PLB1: variants seen among roughly 807,000 people sequenced by gnomAD.
PLB1 encodes phospholipase B1, membrane-associated.
Under a neutral mutation model 227.4 loss-of-function variants are expected in PLB1, and 242 were observed. That is an observed-to-expected ratio of 1.06 (90% confidence interval 0.96 to 1.18). The LOEUF (loss-of-function observed/expected upper bound fraction) is 1.18, where lower values mean the gene tolerates loss of function less well. Ranked by LOEUF, PLB1 falls within the 50% of genes most tolerant of loss-of-function variation. The pLI, the probability that PLB1 is intolerant of heterozygous loss-of-function variation, is 0.00. For synonymous variants in PLB1, 757 were observed against 682.2 expected, an observed-to-expected ratio of 1.11 and a Z score of -1.71; for missense variants, 1,858 against 1,816.3, an observed-to-expected ratio of 1.02 and a Z score of -0.42.
chr2:28,625,319 C>G (rs566846108), intron 50 of PLB1, among the ~76,000 whole-genome samples: 115 of 152,320 alleles, frequency 7.5e-4, no homozygotes, highest in Non-Finnish European at 2.5e-4. Flanking sequence ...GGGCCGGCTG[C>G]GGGAGGGCAA....
In PLB1 at chr2:28,529,628, G is replaced by T. The variant is rs151239844; in HGVS notation, c.417-100G>T. 406 of 1,281,120 alleles carry T rather than the reference G, an allele frequency of 3.2e-4. 1 individual carries two copies. The African/African-American group carries it at 5.3e-3, about 17-fold the overall frequency. The allele number at this position is 1,281,120 out of a possible 1,614,324, so 79.4% of individuals were successfully genotyped here. A position where few individuals can be genotyped will look rare whatever the true frequency, so the allele number is the denominator to read the frequency against. ...CCTTCAGAAGCCAGGGGTGGATAAA[G>T]CTTAGAGACTGACACCTGAGCTATG... is the stretch of plus-strand genomic sequence containing the variant. On this transcript the variant is annotated intron_variant, in intron 7 of 57. Coordinates refer to ENST00000327757, the MANE Select transcript of PLB1 (RefSeq NM_153021.5).
intron 25 of PLB1, among the ~76,000 whole-genome samples, chr2:28,583,189 C>CTT (rs112360775): frequency 1.2e-4 from 18 of 144,376 alleles, no homozygotes; most frequent in African/African-American, 3.3e-4. Flanking sequence ...AAATCCAAAA[C>CTT]TTTTTTTTTT....
Position 28,552,945 on chromosome 2 carries a change from A to T in PLB1, c.1101A>T (p.Glu367Asp), listed in dbSNP as rs771625913. 18 of 1,613,930 alleles carry T rather than the reference A, an allele frequency of 1.1e-5. No homozygotes were observed. The East Asian group carries it at 3.8e-4, about 34-fold the overall frequency. The change falls in exon 17 of 58, where the codon GAA (glutamate) becomes GAT (aspartate). Residue 367 changes from glutamate to aspartate, a missense_variant. Transcript: ENST00000327757. The part of the protein sequence containing the change: ...QDKLEVREGA[E>D]IRCPDKDPSD... ...CATTTCAGGTAAGAGAAGGAGCGGAAATCAGATGTCCTGACAAAGACCCCT... is the reference window on the plus strand; with the variant it reads ...CATTTCAGGTAAGAGAAGGAGCGGATATCAGATGTCCTGACAAAGACCCCT...
intron 1 of PLB1, among the ~76,000 whole-genome samples, chr2:28,496,589 T>C (rs1291100437): frequency 6.6e-6 from 1 of 152,224 alleles, no homozygotes; most frequent in Non-Finnish European, 1.5e-5. Context: ...GAGCTTTGTT[T>C]TGTTTTTGAA....
At chr2:28,534,211 A>G (rs1247670274) in intron 9 of PLB1, among the ~76,000 whole-genome samples, 1 of 152,064 alleles carries the variant, frequency 6.6e-6, no homozygotes, top group Non-Finnish European at 1.5e-5. Context: ...ACTACATTTT[A>G]TTTCACCATT....
intron 43 of PLB1, among the ~76,000 whole-genome samples, chr2:28,613,815 A>G (rs1318861441): frequency 6.6e-6 from 1 of 152,174 alleles, no homozygotes; most frequent in African/African-American, 2.4e-5. Context: ...TGGGTATGAA[A>G]CCCTCTGCAC....
chr2:28,566,845 T>A lies in PLB1; in HGVS notation c.1324+6T>A. On this transcript the variant is annotated splice_donor_region_variant and intron_variant, in intron 20 of 57. Transcript: ENST00000327757. ...CACCGTTACCACCCTGGCGAGTGAG[T>A]ACGCGGCGGCGGCCGGGATGTTTGG... The A allele has an allele frequency of 6.2e-7, 1 of 1,613,728 alleles. No homozygotes were observed. The highest frequency in any genetic ancestry group is 8.5e-7 in the Non-Finnish European group (1 of 1,179,926).
intron 12 of PLB1, among the ~76,000 whole-genome samples, 191 bp downstream of exon 12, chr2:28,540,632 A>T (rs533730324): frequency 1.3e-5 from 2 of 152,330 alleles, no homozygotes; most frequent in South Asian, 4.1e-4. Flanking sequence ...GTATTCCTGC[A>T]TATAAAATGG....
intron 1 of PLB1, among the ~76,000 whole-genome samples, chr2:28,497,876 G>A (rs969912997): frequency 6.6e-6 from 1 of 151,930 alleles, no homozygotes; most frequent in Non-Finnish European, 1.5e-5. Context: ...CTGCCGCCGT[G>A]CCTGGCTAAT....
intron 20 of PLB1, among the ~76,000 whole-genome samples, chr2:28,571,930 C>G (rs774923543): frequency 2.0e-4 from 31 of 151,976 alleles, no homozygotes; most frequent in Admixed American, 1.4e-3. Context: ...AAAAAAAAAT[C>G]GATATTTTGC....
Position 28,538,340 on chromosome 2 carries a change from G to A in PLB1, c.577G>A (p.Val193Met), listed in dbSNP as rs771867690. 1.0e-4 allele frequency: 168 copies of A among 1,613,088 alleles called. No homozygotes were observed. The highest frequency in any genetic ancestry group is 1.7e-4 in the Middle Eastern group (1 of 6,004). Reference sequence around the variant, plus strand: ...ACAGAATGGGCTTGCGGCGGGCGGCGTGGATGAGCTGATGGGGGTGCTGGA... The same window carrying A: ...ACAGAATGGGCTTGCGGCGGGCGGCATGGATGAGCTGATGGGGGTGCTGGA... ...AQQNGLAAGG[V>M]DELMGVLDYL... The change falls in exon 10 of 58, where the codon GTG (valine) becomes ATG (methionine). Residue 193 changes from valine (V) to methionine (M), a missense_variant. Val to Met is a conservative substitution (Grantham distance 21, BLOSUM62 1). Coordinates refer to ENST00000327757, the MANE Select transcript of PLB1 (RefSeq NM_153021.5).
At chr2:28,597,521 C>T (rs911846912) in intron 33 of PLB1, among the ~76,000 whole-genome samples, 7 of 152,322 alleles carry the variant, frequency 4.6e-5, no homozygotes, top group African/African-American at 1.7e-4. Flanking sequence ...AGCCACCCTT[C>T]TGAACCTTCT....
chr2:28,519,138 C>T (rs1038961364), intron 3 of PLB1, among the ~76,000 whole-genome samples: 2 of 152,282 alleles, frequency 1.3e-5, no homozygotes, highest in Middle Eastern at 3.4e-3. Flanking sequence ...GGAGTATGAT[C>T]AGTGATTTCT....
chr2:28,613,198 T>C (rs761266513), intron 43 of PLB1, among the ~76,000 whole-genome samples: 4 of 152,242 alleles, frequency 2.6e-5, no homozygotes, highest in Non-Finnish European at 5.9e-5. Flanking sequence ...ACGCTGGGAA[T>C]ACAGGCATGG....
chr2:28,528,484 G>C (rs1670571221), intron 6 of PLB1, among the ~76,000 whole-genome samples: 1 of 152,166 alleles, frequency 6.6e-6, no homozygotes, highest in Non-Finnish European at 1.5e-5. Flanking sequence ...GTCACTCTCA[G>C]GAGAAGGGAG....
Position 28,598,739 on chromosome 2 carries a change from C to G in PLB1, c.2453C>G (p.Ala818Gly). 8.1e-6 allele frequency: 13 copies of G among 1,614,084 alleles called. No homozygotes were observed. The highest frequency in any genetic ancestry group is 1.1e-5 in the Non-Finnish European group (13 of 1,179,890). The part of the protein sequence containing the change: ...ANDTNAFLNQ[A>G]VPGAKAEDLM... The stretch of plus-strand genomic sequence containing the variant: ...GACACGAATGCATTCCTCAATCAAG[C>G]TGTTCCCGGAGCAAAGGCTGAGTAT... Residue 818 changes from alanine to glycine, a missense_variant, in exon 35 of 58, where the codon GCT becomes GGT. Ala to Gly is a moderately conservative substitution (Grantham distance 60). Transcript: ENST00000327757.
At chr2:28,634,180 C>T (rs950882712) in intron 56 of PLB1, among the ~76,000 whole-genome samples, 2 of 152,202 alleles carry the variant, frequency 1.3e-5, no homozygotes, top group Non-Finnish European at 2.9e-5. Flanking sequence ...GTGGACATCA[C>T]GTACCTGCCC....
At chr2:28,590,554 A>C (rs992456199) in intron 29 of PLB1, among the ~76,000 whole-genome samples, 7 of 152,208 alleles carry the variant, frequency 4.6e-5, no homozygotes, top group South Asian at 2.1e-4. Context: ...AAAGCAGAAG[A>C]AGCCCCCATT....
At chr2:28,549,723 A>G (rs1304261972) in intron 15 of PLB1, among the ~76,000 whole-genome samples, 2 of 152,188 alleles carry the variant, frequency 1.3e-5, no homozygotes, top group Admixed American at 6.5e-5. Context: ...GCTGCCAAGA[A>G]GCTTAAAATT....
Sources: allele counts gnomAD v4.1 joint callset (sites outside exome capture counted in the v4.1 genomes callset), GRCh38; gene constraint gnomAD v4.1.1; transcripts MANE v1.5; gene names NCBI Gene and HGNC (gene_info 2026-07-23, HGNC 2026-07-21).